Variants in PDLIM5 observed in about 807,000 individuals in gnomAD.
PDLIM5 encodes the protein PDZ and LIM domain 5.
PDLIM5 carries 34 observed loss-of-function variants against 64.2 expected under a neutral mutation model. The ratio of observed to expected loss-of-function variants is 0.53; its 90% CI spans 0.40 to 0.71. The LOEUF (loss-of-function observed/expected upper bound fraction) is 0.71. PDLIM5 is among the 30% of genes least tolerant of loss of function. The pLI is 0.00. For missense variants in PDLIM5, 683 were observed against 733.6 expected (o/e 0.93, Z 0.80); for synonymous variants, 253 against 269.1 (o/e 0.94, Z 0.59).
intron 2 of PDLIM5, among the ~76,000 whole-genome samples, chr4:94,503,923 T>C (rs926079750): frequency 2.6e-5 from 4 of 152,220 alleles, no homozygotes; most frequent in Non-Finnish European, 4.4e-5. Context: ...TGTGTTTAGC[T>C]ATCACATCTT....
intron 3 of PDLIM5, among the ~76,000 whole-genome samples, chr4:94,571,755 G>T (rs1211970383): frequency 6.6e-6 from 1 of 152,152 alleles, no homozygotes; most frequent in Admixed American, 6.5e-5. Flanking sequence ...GAAAGAAAAG[G>T]AAGACAATTA....
At chr4:94,630,393 A>G (rs542764504) in intron 8 of PDLIM5, among the ~76,000 whole-genome samples, 93 of 152,050 alleles carry the variant, frequency 6.1e-4, no homozygotes, top group African/African-American at 2.1e-3. Flanking sequence ...ATATTTTTTT[A>G]AGACAGAATC....
chr4:94,501,107 G>T lies in PDLIM5; in HGVS notation c.97-22617G>T, dbSNP rs532484025. 4.1e-3 allele frequency among the ~76,000 whole-genome samples: 590 copies of T among 144,372 alleles called. 4 individuals are homozygous for T. The highest frequency in any genetic ancestry group is 0.015 in the African/African-American group (559 of 38,072). The allele number at this position is 144,372 out of a possible 152,430, so 94.7% of individuals were successfully genotyped here. ...TTTTTTTTTTTTTTTCTCAGACAAGGTCTTGCCCAGGCTGGAGTACAGTGG... is the reference window on the plus strand; with the variant it reads ...TTTTTTTTTTTTTTTCTCAGACAAGTTCTTGCCCAGGCTGGAGTACAGTGG... On this transcript the variant is annotated intron_variant, in intron 2 of 12. Coordinates refer to ENST00000317968, the MANE Select transcript of PDLIM5 (RefSeq NM_006457.5).
intron 7 of PDLIM5, among the ~76,000 whole-genome samples, chr4:94,602,662 G>T (rs1194774697): frequency 3.3e-5 from 5 of 151,878 alleles, no homozygotes; most frequent in Admixed American, 6.6e-5. Context: ...TGCCATGTGG[G>T]CCAGGCTGGT....
chr4:94,619,220 G>A (rs893988512), intron 8 of PDLIM5, among the ~76,000 whole-genome samples: 2 of 152,056 alleles, frequency 1.3e-5, no homozygotes, highest in African/African-American at 2.4e-5. Flanking sequence ...TTTCTTCTCT[G>A]TGTCATCAGA....
intron 2 of PDLIM5, among the ~76,000 whole-genome samples, chr4:94,480,981 C>G (rs1356082142): frequency 1.3e-5 from 2 of 152,090 alleles, no homozygotes; most frequent in African/African-American, 4.8e-5. Context: ...TTTTATGAAC[C>G]TTGATATTAA....
At chr4:94,509,848 G>A (rs923237937) in intron 2 of PDLIM5, among the ~76,000 whole-genome samples, 11 of 152,146 alleles carry the variant, frequency 7.2e-5, no homozygotes, top group African/African-American at 2.2e-4. Flanking sequence ...ATTAGATGGT[G>A]CCCACCTAGA....
intron 9 of PDLIM5, among the ~76,000 whole-genome samples, chr4:94,646,359 T>G (rs544587359): frequency 6.6e-6 from 1 of 152,340 alleles, no homozygotes; most frequent in Admixed American, 6.5e-5. Flanking sequence ...GAAGACCATG[T>G]GAAGACACAT....
chr4:94,584,878 C>G (rs1736031821), intron 5 of PDLIM5: 1 of 714,930 alleles, frequency 1.4e-6, no homozygotes, highest in Non-Finnish European at 2.4e-6. Context: ...ATTTTGACTA[C>G]TATGGACTTT....
At chr4:94,560,300 G>A (rs578124329) in intron 3 of PDLIM5, among the ~76,000 whole-genome samples, 1 of 152,164 alleles carries the variant, frequency 6.6e-6, no homozygotes, top group East Asian at 1.9e-4. Flanking sequence ...GTTGCTAATT[G>A]AGAAGACTGT....
intron 8 of PDLIM5, among the ~76,000 whole-genome samples, chr4:94,626,649 G>C (rs993886118): frequency 3.0e-4 from 45 of 151,996 alleles, no homozygotes; most frequent in Admixed American, 2.7e-3. Context: ...AGATCATTTG[G>C]CTAAGATTCT....
At chr4:94,543,232 C>T (rs1472873706) in intron 3 of PDLIM5, among the ~76,000 whole-genome samples, 1 of 152,052 alleles carries the variant, frequency 6.6e-6, no homozygotes, top group Non-Finnish European at 1.5e-5. Context: ...GATCACATTC[C>T]CTCTAGGAGA....
chr4:94,490,893 C>T (rs1289699701), intron 2 of PDLIM5, among the ~76,000 whole-genome samples: 2 of 152,086 alleles, frequency 1.3e-5, no homozygotes, highest in Non-Finnish European at 2.9e-5. Flanking sequence ...CTTTTCAGTT[C>T]CATGACTAGT....
chr4:94,630,687 A>G (rs1482724209), intron 8 of PDLIM5, among the ~76,000 whole-genome samples: 1 of 152,146 alleles, frequency 6.6e-6, no homozygotes, highest in East Asian at 1.9e-4. Context: ...GTATCCATTG[A>G]TATTTTCAAT....
intron 2 of PDLIM5, among the ~76,000 whole-genome samples, chr4:94,492,375 C>T (rs1052084126): frequency 3.3e-5 from 5 of 151,824 alleles, no homozygotes; most frequent in African/African-American, 1.2e-4. Flanking sequence ...TGTGCATGCA[C>T]TGTGGTAGTT....
In PDLIM5 at chr4:94,590,512, A is replaced by G. The variant is rs1016382330; in HGVS notation, c.920+4068A>G. Among the ~76,000 whole-genome samples the G allele has an allele frequency of 5.3e-5, 8 of 152,358 alleles. No homozygotes were observed. The Middle Eastern group carries it at 0.01, about 194-fold the overall frequency. ...AGTAATGAATAACAGATAAATGTAT[A>G]AGCAAGATGATCTGAGGTAATTGTG... On this transcript the variant is annotated intron_variant, in intron 7 of 12. Coordinates refer to ENST00000317968, the MANE Select transcript of PDLIM5 (RefSeq NM_006457.5).
At chr4:94,516,122 G>A (rs907574276) in intron 2 of PDLIM5, among the ~76,000 whole-genome samples, 1 of 152,120 alleles carries the variant, frequency 6.6e-6, no homozygotes, top group Non-Finnish European at 1.5e-5. Context: ...CTAAATAAGG[G>A]CTCATCATAG....
At chr4:94,551,900 T>C (rs1383678191) in intron 3 of PDLIM5, among the ~76,000 whole-genome samples, 2 of 152,158 alleles carry the variant, frequency 1.3e-5, no homozygotes, top group African/African-American at 2.4e-5. Flanking sequence ...TTTTTTTGGC[T>C]TTAGGAAATA....
chr4:94,648,954 T>C (rs147563333), intron 9 of PDLIM5, among the ~76,000 whole-genome samples: 1 of 152,048 alleles, frequency 6.6e-6, no homozygotes, highest in African/African-American at 2.4e-5. Flanking sequence ...GATTAGGGGA[T>C]GTAATTGTTT....
Sources: gnomAD v4.1 joint callset for allele counts (sites outside exome capture counted in the v4.1 genomes callset) on GRCh38, gnomAD v4.1.1 for gene constraint, MANE v1.5 for transcripts, NCBI Gene and HGNC (gene_info 2026-07-23, HGNC 2026-07-21) for gene names.